ATP13A1: variants seen among roughly 807,000 people sequenced by gnomAD.
The protein encoded by ATP13A1 is ATPase 13A1.
In ATP13A1, 55 loss-of-function variants were observed where a neutral mutation model predicts 134.8. The observed-to-expected ratio is 0.41, with a 90% CI of 0.33 to 0.51. ATP13A1 has a LOEUF of 0.51. Among genes scored for constraint, ATP13A1 ranks in the 20% least tolerant of loss-of-function variants. ATP13A1 has a pLI of 0.29. For synonymous variants in ATP13A1, 775 were observed against 725.1 expected, an observed-to-expected ratio of 1.07 and a Z score of -1.10; for missense variants, 1,389 against 1,652.8, an observed-to-expected ratio of 0.84 and a Z score of 2.77.
In ATP13A1 at chr19:19,647,782, A is replaced by G; in HGVS notation, c.2633-23T>C. The G allele has an allele frequency of 1.3e-6, 2 of 1,573,388 alleles. No homozygotes were observed. Among genetic ancestry groups the G allele is most frequent in the Non-Finnish European group, 1.7e-6 (2 of 1,165,988 alleles). On this transcript the variant is annotated intron_variant, in intron 19 of 25. Coordinates refer to ENST00000357324, the MANE Select transcript of ATP13A1 (RefSeq NM_020410.3). The surrounding 1 kb of genome is among the most constrained non-coding windows in gnomAD (Gnocchi z 4.8). Reference sequence around the variant, plus strand: ...CACCTGGGGGGCAGGAGGGTGTCAGACCCGGAGGAGCAGGCTCCACGGAGG... The same window carrying G: ...CACCTGGGGGGCAGGAGGGTGTCAGGCCCGGAGGAGCAGGCTCCACGGAGG...
chr19:19,654,166 T>C, intron 13 of ATP13A1, 22 bp from the exon 14 acceptor site: 1 of 1,566,322 alleles, frequency 6.4e-7, no homozygotes, highest in South Asian at 1.2e-5. Context: ...TAAGTACGAG[T>C]CCTGAGGGGC....
chr19:19,652,532 G>T, intron 16 of ATP13A1, 63 bp downstream of exon 16: 2 of 1,549,072 alleles, frequency 1.3e-6, no homozygotes, highest in South Asian at 2.4e-5. Flanking sequence ...CCACGAAGCT[G>T]TAATTGTCAT....
chr19:19,652,330 G>T (rs2062029880), intron 16 of ATP13A1, among the ~76,000 whole-genome samples: 1 of 152,186 alleles, frequency 6.6e-6, no homozygotes, highest in Non-Finnish European at 1.5e-5. Context: ...GACGGCGGTG[G>T]AACGGGGAAG....
intron 22 of ATP13A1, chr19:19,646,884 C>T (rs2061989510): frequency 3.6e-6 from 2 of 551,686 alleles, no homozygotes; most frequent in Non-Finnish European, 6.4e-6. Flanking sequence ...TTGTGGGGCT[C>T]TGTGGGGCCC....
At position 19,656,185 on chromosome 19, in the gene ATP13A1, TG is replaced by T; in HGVS notation, c.1084-3del. ...TGGGCTGAGGTCTTCGATGGGCTCC[TG>T]GGGAGGAAGATCGTGAATCTGGATG... On this transcript the variant is annotated splice_polypyrimidine_tract_variant and splice_region_variant and intron_variant, in intron 7 of 25. Coordinates refer to ENST00000357324, the MANE Select transcript of ATP13A1 (RefSeq NM_020410.3). The surrounding 1 kb of genome is among the most constrained non-coding windows in gnomAD (Gnocchi z 4.6). 6.3e-7 allele frequency: 1 copy of T among 1,599,164 alleles called. No homozygotes were observed. The highest frequency in any genetic ancestry group is 8.5e-7 in the Non-Finnish European group (1 of 1,171,414).
chr19:19,659,768 C>T lies in ATP13A1; in HGVS notation c.510G>A (p.Leu170=). The change falls in exon 3 of 26, where the codon CTG becomes CTA. Residue 170 remains leucine (L), a synonymous_variant. Coordinates refer to ENST00000357324, the MANE Select transcript of ATP13A1 (RefSeq NM_020410.3). ...RNEGEDGLEV[L]SFEFQKIKYS... Reference sequence around the variant, plus strand: ...ACTTGATCTTCTGGAATTCGAAGGACAGCACCTCAAGCCCGTCTTCGCCCT... The same window carrying T: ...ACTTGATCTTCTGGAATTCGAAGGATAGCACCTCAAGCCCGTCTTCGCCCT... The T allele has an allele frequency of 6.2e-7, 1 of 1,613,878 alleles. No homozygotes were observed. Among genetic ancestry groups the T allele is most frequent in the South Asian group, 1.1e-5 (1 of 91,084 alleles).
At chr19:19,657,227 T>C in intron 4 of ATP13A1, 78 bp from the exon 5 acceptor site, 12 of 1,486,170 alleles carry the variant, frequency 8.1e-6, no homozygotes, top group Non-Finnish European at 9.0e-6. Flanking sequence ...GGATCTGATA[T>C]GTGAGGGTGG....
In ATP13A1 at chr19:19,655,722, G is replaced by A. The variant is rs2062053108; in HGVS notation, c.1270-68C>T. 3 of 1,566,312 alleles carry A rather than the reference G, an allele frequency of 1.9e-6. No individual in the cohort carries two copies. In the East Asian group the frequency reaches 7.1e-5, roughly 37 times the overall value. ...TCCAGCAGCTCAGGCCTGGAAGCGT[G>A]GGCCTGGTCTTGGGGTGGCCTCTGC... is the stretch of plus-strand genomic sequence containing the variant. On this transcript the variant is annotated intron_variant, in intron 9 of 25. Transcript: ENST00000357324. This position sits in a 1 kb window ranked among gnomAD's most constrained non-coding sequence, Gnocchi z 5.7.
chr19:19,663,645 C>G lies in ATP13A1; in HGVS notation c.22G>C (p.Gly8Arg). ...CGGGCCCCGCAGGGCACCGCGTTGC[C>G]CACCGCCGCCGCTGCCGCCATCTTT... MAAAAAV[G>R]NAVPCGARPC... The change falls in exon 1 of 26, where the codon GGC becomes CGC. Residue 8 changes from glycine to arginine, a missense_variant. By Grantham distance (125) the Gly-to-Arg change is moderately radical. Coordinates refer to ENST00000357324, the MANE Select transcript of ATP13A1 (RefSeq NM_020410.3). The G allele has an allele frequency of 3.1e-6, 4 of 1,298,478 alleles. No homozygotes were observed. The East Asian group carries it at 1.3e-4, about 41-fold the overall frequency. 80.4% of individuals were successfully genotyped at this position (1,298,478 alleles called of 1,614,324 possible).
At chr19:19,651,617 G>T in intron 17 of ATP13A1, 72 bp downstream of exon 17, 1 of 1,206,174 alleles carries the variant, frequency 8.3e-7, no homozygotes. Context: ...TACACAGGTG[G>T]GCTGTTGCGA....
chr19:19,654,097 G>T lies in ATP13A1; in HGVS notation c.1861C>A (p.His621Asn). Residue 621 changes from histidine to asparagine, a missense_variant, in exon 14 of 26, where the codon CAC (histidine) becomes AAC (asparagine). Coordinates refer to ENST00000357324, the MANE Select transcript of ATP13A1 (RefSeq NM_020410.3). ...RSIKTQGLKI[H>N]QRFHFASALK... ...GCACTGGCAAAATGAAAGCGCTGGT[G>T]AATTTTCAGCCCCTGAGTTTTAATA... 6.3e-7 allele frequency: 1 copy of T among 1,592,714 alleles called. No individual in the cohort carries two copies. Among genetic ancestry groups the T allele is most frequent in the Non-Finnish European group, 8.5e-7 (1 of 1,169,738 alleles).
chr19:19,663,050 G>C, intron 1 of ATP13A1: 1 of 739,584 alleles, frequency 1.4e-6, no homozygotes, highest in Non-Finnish European at 2.5e-6. Flanking sequence ...CCATAACAGG[G>C]AGGACTTCAG....
At position 19,654,988 on chromosome 19, in the gene ATP13A1, T is replaced by C; in HGVS notation, c.1655+131A>G. On this transcript the variant is annotated intron_variant, in intron 12 of 25. Transcript: ENST00000357324. The stretch of plus-strand genomic sequence containing the variant: ...CACCCAGGACTTTGTGGGGAGCCCC[T>C]GGAAATGAACCCGAGGCAGGGCCTC... 5 of 1,409,316 alleles carry C rather than the reference T, an allele frequency of 3.5e-6. No individual in the cohort carries two copies. In the South Asian group the frequency reaches 7.0e-5, roughly 20 times the overall value. The allele number at this position is 1,409,316 out of a possible 1,614,324, so 87.3% of individuals were successfully genotyped here.
Position 19,657,267 on chromosome 19 carries a change from G to A in ATP13A1, c.750+69C>T, listed in dbSNP as rs917575733. The A allele has an allele frequency of 3.3e-6, 5 of 1,512,272 alleles. No individual in the cohort carries two copies. In the Admixed American group the frequency reaches 6.5e-5, roughly 20 times the overall value. 93.7% of individuals were successfully genotyped at this position (1,512,272 alleles called of 1,614,324 possible). ...AGGCTTCCAGGTTTAGAAGTGGTGG[G>A]CAGGCTTGATCCGGTTAGGAAAGCC... On this transcript the variant is annotated intron_variant, in intron 4 of 25. Coordinates refer to ENST00000357324, the MANE Select transcript of ATP13A1 (RefSeq NM_020410.3).
chr19:19,656,192 G>A lies in ATP13A1; in HGVS notation c.1084-9C>T. On this transcript the variant is annotated splice_polypyrimidine_tract_variant and intron_variant, in intron 7 of 25. Transcript: ENST00000357324. The surrounding 1 kb of genome is among the most constrained non-coding windows in gnomAD (Gnocchi z 4.6). ...AGGTCTTCGATGGGCTCCTGGGGAG[G>A]AAGATCGTGAATCTGGATGGCCAGG... 2.5e-6 allele frequency: 4 copies of A among 1,592,320 alleles called. No homozygotes were observed. The highest frequency in any genetic ancestry group is 1.7e-6 in the Non-Finnish European group (2 of 1,167,458).
chr19:19,656,676 G>C lies in ATP13A1; in HGVS notation c.1067C>G (p.Ser356Cys), dbSNP rs754809322. 1.6e-5 allele frequency: 26 copies of C among 1,613,472 alleles called. No homozygotes were observed. The highest frequency in any genetic ancestry group is 2.2e-5 in the Non-Finnish European group (26 of 1,179,788). ...ACCAAGTACCTTCATCTGTGGCACG[G>C]ACTCCCCCGTGAGCATGGCCTCGTC... ...IVDEAMLTGE[S>C]VPQMKEPIED... is the part of the protein sequence containing the mutation. Residue 356 changes from serine (S) to cysteine (C), a missense_variant, in exon 7 of 26, where the codon TCC becomes TGC. Physicochemically the swap from Ser to Cys is moderately radical, Grantham distance 112. This residue lies in a region of ATP13A1 where 747 missense variants were observed against 956.1 expected (regional missense o/e 0.78). Transcript: ENST00000357324. The surrounding 1 kb of genome is among the most constrained non-coding windows in gnomAD (Gnocchi z 4.6).
At chr19:19,651,044 A>G (rs1490532285) in intron 17 of ATP13A1, 1 of 152,210 alleles carries the variant, frequency 6.6e-6, no homozygotes, top group African/African-American at 2.4e-5. Context: ...CTGGATTCCA[A>G]TCCTTAGCCA....
chr19:19,659,252 C>T (rs2062079113), intron 3 of ATP13A1, among the ~76,000 whole-genome samples: 1 of 152,084 alleles, frequency 6.6e-6, no homozygotes, highest in Non-Finnish European at 1.5e-5. Context: ...GTCAGGAGTT[C>T]AAGACCAGCC....
In ATP13A1 at chr19:19,655,082, T is replaced by G; in HGVS notation, c.1655+37A>C. 6.2e-7 allele frequency: 1 copy of G among 1,611,564 alleles called. No homozygotes were observed. The highest frequency in any genetic ancestry group is 8.5e-7 in the Non-Finnish European group (1 of 1,179,256). On this transcript the variant is annotated intron_variant, in intron 12 of 25. Coordinates refer to ENST00000357324, the MANE Select transcript of ATP13A1 (RefSeq NM_020410.3). This position sits in a 1 kb window ranked among gnomAD's most constrained non-coding sequence, Gnocchi z 5.7. ...GTCTCTCGACTTCCCAGAAACCCCA[T>G]CTGGGTGACCTTTGCTGCAGGGCCC...
Sources: gnomAD v4.1 joint callset for allele counts (sites outside exome capture counted in the v4.1 genomes callset) on GRCh38, gnomAD v4.1.1 for gene constraint, gnomAD v4.1.1 regional missense constraint, Gnocchi (gnomAD v3.1) non-coding constraint, MANE v1.5 for transcripts, NCBI Gene and HGNC (gene_info 2026-07-23, HGNC 2026-07-21) for gene names.